The following CIMIP6 variants were observed in gnomAD, a reference collection of about 807,000 sequenced individuals.
CIMIP6 encodes the protein uncharacterized protein C2orf73.
chr2:54,371,491 G>T, the CIMIP6 span, among the ~76,000 whole-genome samples: 2 of 152,198 alleles, frequency 1.3e-5, no homozygotes, highest in African/African-American at 2.4e-5. Flanking sequence ...TGATGAGTTT[G>T]GTCCTCAGTT....
the CIMIP6 span, among the ~76,000 whole-genome samples, chr2:54,382,637 T>C: frequency 0.14 from 21,290 of 152,152 alleles, 2,072 homozygotes; most frequent in African/African-American, 0.28. Flanking sequence ...TTGCATCTAC[T>C]AACTAGACCC....
the CIMIP6 span, among the ~76,000 whole-genome samples, chr2:54,374,672 C>T: frequency 6.6e-6 from 1 of 152,168 alleles, no homozygotes; most frequent in South Asian, 2.1e-4. Context: ...TGGGATAAGC[C>T]TGAACTTGGA....
the CIMIP6 span, among the ~76,000 whole-genome samples, chr2:54,337,654 T>C: frequency 6.6e-6 from 1 of 152,228 alleles, no homozygotes; most frequent in Non-Finnish European, 1.5e-5. Flanking sequence ...AATTTTCTCT[T>C]ACTCCTACTC....
At chr2:54,377,657 C>A in the CIMIP6 span, among the ~76,000 whole-genome samples, 1 of 152,118 alleles carries the variant, frequency 6.6e-6, no homozygotes, top group Non-Finnish European at 1.5e-5. Flanking sequence ...TAATGAAAAT[C>A]CAGCTCTCTC....
the CIMIP6 span, among the ~76,000 whole-genome samples, chr2:54,364,883 A>C: frequency 6.6e-6 from 1 of 152,234 alleles, no homozygotes; most frequent in Non-Finnish European, 1.5e-5. Context: ...TGAAATATAC[A>C]ACTAAGCACT....
chr2:54,361,742 A>G, the CIMIP6 span, among the ~76,000 whole-genome samples: 1 of 152,178 alleles, frequency 6.6e-6, no homozygotes, highest in African/African-American at 2.4e-5. Context: ...TACTACTATA[A>G]AATTGGAAAA....
At chr2:54,347,594 C>T in the CIMIP6 span, among the ~76,000 whole-genome samples, 5 of 152,104 alleles carry the variant, frequency 3.3e-5, no homozygotes, top group Admixed American at 6.6e-5. Context: ...GACACTGGAG[C>T]GATGGGCTTT....
At chr2:54,345,372 T>C in the CIMIP6 span, among the ~76,000 whole-genome samples, 2 of 152,202 alleles carry the variant, frequency 1.3e-5, no homozygotes, top group Non-Finnish European at 1.5e-5. Flanking sequence ...CAAGGTTTAC[T>C]TGTCTAGATT....
the CIMIP6 span, among the ~76,000 whole-genome samples, chr2:54,362,682 G>T: frequency 6.6e-6 from 1 of 152,182 alleles, no homozygotes; most frequent in African/African-American, 2.4e-5. Context: ...TGAGTGCTGG[G>T]ATTACAGGTG....
the CIMIP6 span, among the ~76,000 whole-genome samples, chr2:54,367,377 C>G: frequency 6.6e-6 from 1 of 151,998 alleles, no homozygotes; most frequent in African/African-American, 2.4e-5. Flanking sequence ...TCAGTTCCCC[C>G]AACCTCCAAA....
chr2:54,383,998 GA>G, the CIMIP6 span, among the ~76,000 whole-genome samples: 2 of 152,102 alleles, frequency 1.3e-5, 1 homozygote, highest in South Asian at 4.2e-4. Context: ...CTCCATCTTG[GA>G]CTTCTCAGCT....
the CIMIP6 span, chr2:54,358,948 CTTTT>C: frequency 7.0e-7 from 1 of 1,425,320 alleles, no homozygotes; most frequent in Non-Finnish European, 9.5e-7. Context: ...TTCACAAAAT[CTTTT>C]TTTTAGTACC....
chr2:54,360,485 G>A, the CIMIP6 span: 91 of 1,574,310 alleles, frequency 5.8e-5, no homozygotes, highest in African/African-American at 6.8e-5. Flanking sequence ...GACCTCAGGC[G>A]CCACTCAAAC....
chr2:54,380,814 G>A, the CIMIP6 span, among the ~76,000 whole-genome samples: 2 of 152,170 alleles, frequency 1.3e-5, no homozygotes, highest in African/African-American at 4.8e-5. Context: ...ACAGACACGT[G>A]CTACCATGGG....
At chr2:54,343,025 T>C in the CIMIP6 span, among the ~76,000 whole-genome samples, 1 of 152,224 alleles carries the variant, frequency 6.6e-6, no homozygotes, top group Non-Finnish European at 1.5e-5. Flanking sequence ...CTTGTGTACT[T>C]AGGTTTTAGT....
At chr2:54,354,716 A>G in the CIMIP6 span, among the ~76,000 whole-genome samples, 1 of 151,996 alleles carries the variant, frequency 6.6e-6, no homozygotes, top group East Asian at 1.9e-4. Context: ...TCTTATTCTC[A>G]TAATTGATGG....
At chr2:54,373,127 C>T in the CIMIP6 span, among the ~76,000 whole-genome samples, 1 of 152,154 alleles carries the variant, frequency 6.6e-6, no homozygotes, top group Non-Finnish European at 1.5e-5. Context: ...CCAGATGCAC[C>T]TGAGTAGTAT....
chr2:54,334,211 A>G, the CIMIP6 span, among the ~76,000 whole-genome samples: 1 of 152,178 alleles, frequency 6.6e-6, no homozygotes, highest in Non-Finnish European at 1.5e-5. Context: ...CTTCCTATAC[A>G]TTTTTAAAAT....
chr2:54,334,974 T>TA, the CIMIP6 span: 1 of 1,605,670 alleles, frequency 6.2e-7, no homozygotes, highest in South Asian at 1.1e-5. Flanking sequence ...TGCAAGAACA[T>TA]ACAATGAACC....
Sources: allele counts gnomAD v4.1 joint callset (sites outside exome capture counted in the v4.1 genomes callset), GRCh38; gene constraint gnomAD v4.1.1; transcripts MANE v1.5; gene names NCBI Gene and HGNC (gene_info 2026-07-23, HGNC 2026-07-21).